The following SENP8 variants were observed in gnomAD, a reference collection of about 807,000 sequenced individuals.
SENP8 encodes the protein SUMO peptidase family member, NEDD8 specific.
A neutral mutation model predicts 14.4 loss-of-function variants in SENP8; 10 were observed. The observed-to-expected ratio is 0.69, with a 90% CI of 0.43 to 1.18. The LOEUF is 1.18. SENP8 is among the 50% of genes most tolerant of loss of function. The pLI, the probability that SENP8 is intolerant of heterozygous loss-of-function variation, is 0.00. For missense variants in SENP8, 202 were observed against 249.4 expected, an observed-to-expected ratio of 0.81 and a Z score of 1.28; for synonymous variants, 94 against 95.5, an observed-to-expected ratio of 0.98 and a Z score of 0.09.
chr15:72,117,783 G>A, upstream of SENP8: 1 of 398,262 alleles, frequency 2.5e-6, no homozygotes, highest in South Asian at 1.3e-4. Context: ...AAGAGGCCGA[G>A]GCCACCGAGG....
intron 1 of SENP8, among the ~76,000 whole-genome samples, chr15:72,127,941 T>G (rs1260494640): frequency 6.6e-6 from 1 of 152,054 alleles, no homozygotes; most frequent in Admixed American, 6.6e-5. Flanking sequence ...AAAATATTAA[T>G]TAGCCAGACA....
chr15:72,139,085 C>T (rs989617760), intron 1 of SENP8, among the ~76,000 whole-genome samples: 1 of 150,070 alleles, frequency 6.7e-6, no homozygotes, highest in African/African-American at 2.5e-5. Flanking sequence ...TTACCAATAA[C>T]ATAGCCAATT....
At chr15:72,129,300 C>G (rs2081248599) in intron 1 of SENP8, among the ~76,000 whole-genome samples, 1 of 152,028 alleles carries the variant, frequency 6.6e-6, no homozygotes, top group South Asian at 2.1e-4. Flanking sequence ...GAGGGCTAGA[C>G]AGGAGGATCA....
chr15:72,138,178 G>T (rs2081345277), intron 1 of SENP8, among the ~76,000 whole-genome samples: 1 of 151,930 alleles, frequency 6.6e-6, no homozygotes, highest in African/African-American at 2.4e-5. Context: ...GCTTCAAGAG[G>T]ATATTTAAAA....
chr15:72,115,454 T>A (rs1037982749), upstream of SENP8, among the ~76,000 whole-genome samples: 3 of 152,144 alleles, frequency 2.0e-5, no homozygotes, highest in Non-Finnish European at 4.4e-5. Context: ...CCCACCTCAG[T>A]GAAAGGCACA....
chr15:72,119,274 C>T (rs1276471748), intron 1 of SENP8, among the ~76,000 whole-genome samples: 1 of 152,160 alleles, frequency 6.6e-6, no homozygotes, highest in Admixed American at 6.5e-5. Flanking sequence ...ATTTGAATCA[C>T]CTGGGAAACT....
upstream of SENP8, among the ~76,000 whole-genome samples, chr15:72,116,542 A>G (rs2080985621): frequency 6.6e-6 from 1 of 152,072 alleles, no homozygotes; most frequent in African/African-American, 2.4e-5. Flanking sequence ...AGGCAACAGA[A>G]GTTTATTATT....
intron 1 of SENP8, among the ~76,000 whole-genome samples, chr15:72,132,799 C>G (rs1224061774): frequency 6.6e-6 from 1 of 151,728 alleles, no homozygotes; most frequent in African/African-American, 2.4e-5. Flanking sequence ...GATTCTCTGT[C>G]TACAATATCT....
chr15:72,138,908 T>C (rs1005455108), intron 1 of SENP8, among the ~76,000 whole-genome samples: 1 of 143,272 alleles, frequency 7.0e-6, no homozygotes, highest in Non-Finnish European at 1.5e-5. Flanking sequence ...GAGGTTGCAG[T>C]GAGCTGAGAT....
chr15:72,140,246 C>T lies in SENP8; in HGVS notation c.623C>T (p.Thr208Ile). 5.0e-6 allele frequency: 8 copies of T among 1,611,444 alleles called. No homozygotes were observed. The highest frequency in any genetic ancestry group is 6.8e-6 in the Non-Finnish European group (8 of 1,178,074). The change falls in exon 2 of 2, where the codon ACA (threonine) becomes ATA (isoleucine). Residue 208 changes from threonine (T) to isoleucine (I), a missense_variant. Thr to Ile is a moderately conservative substitution (Grantham distance 89, BLOSUM62 -1). Transcript: ENST00000340912. Reference sequence around the variant, plus strand: ...GGAGAATGGAAAGATCTCATTACCACACTTGCTAAAAAGTAGCTATTGAAG... The same window carrying T: ...GGAGAATGGAAAGATCTCATTACCATACTTGCTAAAAAGTAGCTATTGAAG... ...KRGEWKDLIT[T>I]LAKK
chr15:72,138,795 TA>T (rs2081351545), intron 1 of SENP8, among the ~76,000 whole-genome samples: 1 of 150,902 alleles, frequency 6.6e-6, no homozygotes, highest in Admixed American at 6.6e-5. Context: ...ACCCTGTCTC[TA>T]CTAAAAATAC....
At chr15:72,126,066 G>A (rs1015913330) in intron 1 of SENP8, among the ~76,000 whole-genome samples, 6 of 151,972 alleles carry the variant, frequency 3.9e-5, no homozygotes, top group African/African-American at 1.5e-4. Context: ...CAGGTGATCT[G>A]CCTGCCTTAG....
chr15:72,126,551 G>C (rs144848888), intron 1 of SENP8, among the ~76,000 whole-genome samples: 205 of 152,272 alleles, frequency 1.3e-3, no homozygotes, highest in African/African-American at 4.3e-3. Flanking sequence ...CTTGAACCCA[G>C]GCAGCAGAGG....
chr15:72,141,962 A>G lies in SENP8; in HGVS notation c.*1700A>G, dbSNP rs1338850852. ...CAGCTAATCTAGACTATTAAAGTCA[A>G]ATCCTCTCTGGGAAAAGTTATCTTT... On this transcript the variant is annotated 3_prime_UTR_variant, in exon 2 of 2. Transcript: ENST00000340912. 1 of 152,200 alleles carries G rather than the reference A, an allele frequency of 6.6e-6. No individual in the cohort carries two copies. Among genetic ancestry groups the G allele is most frequent in the Non-Finnish European group, 1.5e-5 (1 of 68,042 alleles). 9.4% of individuals were successfully genotyped at this position (152,200 alleles called of 1,614,324 possible). A position where few individuals can be genotyped will look rare whatever the true frequency, so the allele number is the denominator to read the frequency against.
chr15:72,139,532 G>T (rs770338503), intron 1 of SENP8, 45 bp from the exon 2 acceptor site: 10 of 1,494,962 alleles, frequency 6.7e-6, no homozygotes, highest in South Asian at 2.7e-5. Context: ...TTTTCCAGCC[G>T]CATTTTACAG....
chr15:72,140,257 A>T lies in SENP8; in HGVS notation c.634A>T (p.Lys212Ter). The T allele has an allele frequency of 6.2e-7, 1 of 1,610,218 alleles. No homozygotes were observed. Among genetic ancestry groups the T allele is most frequent in the Non-Finnish European group, 8.5e-7 (1 of 1,176,980 alleles). The change falls in exon 2 of 2, where the codon AAG becomes TAG. Residue 212 changes from lysine (K) to a stop codon, truncating the protein, a stop_gained. Coordinates refer to ENST00000340912, the MANE Select transcript of SENP8 (RefSeq NM_145204.4). LOFTEE classifies it high-confidence loss of function. ...WKDLITTLAK[K>*] is the part of the protein sequence containing the mutation. ...AGATCTCATTACCACACTTGCTAAA[A>T]AGTAGCTATTGAAGTATATTTGCGA...
chr15:72,137,553 G>T (rs747893903), intron 1 of SENP8, among the ~76,000 whole-genome samples: 2 of 152,148 alleles, frequency 1.3e-5, no homozygotes, highest in Admixed American at 6.5e-5. Flanking sequence ...AATCAGGAAT[G>T]AATTTCATTT....
intron 1 of SENP8, among the ~76,000 whole-genome samples, chr15:72,131,162 C>G (rs1041173131): frequency 5.3e-5 from 8 of 152,144 alleles, no homozygotes; most frequent in Non-Finnish European, 5.9e-5. Flanking sequence ...TATAATCACA[C>G]CACTGCACTC....
At chr15:72,127,856 G>C (rs962064589) in intron 1 of SENP8, among the ~76,000 whole-genome samples, 2 of 152,148 alleles carry the variant, frequency 1.3e-5, no homozygotes, top group Non-Finnish European at 2.9e-5. Flanking sequence ...TTGTCAATTG[G>C]ATGTGAAGTG....
Sources: allele counts gnomAD v4.1 joint callset (sites outside exome capture counted in the v4.1 genomes callset), GRCh38; gene constraint gnomAD v4.1.1; transcripts MANE v1.5; gene names NCBI Gene and HGNC (gene_info 2026-07-23, HGNC 2026-07-21).